Variants in SH3RF3 observed in about 807,000 individuals in gnomAD.
SH3RF3 encodes the protein E3 ubiquitin-protein ligase SH3RF3.
SH3RF3 carries 29 observed loss-of-function variants against 66.3 expected under a neutral mutation model. That is an observed-to-expected ratio of 0.44 (90% confidence interval 0.33 to 0.60). The LOEUF is 0.60. SH3RF3 is among the 20% of genes least tolerant of loss of function. The pLI is 0.04. For synonymous variants in SH3RF3, 583 were observed against 532.0 expected, an observed-to-expected ratio of 1.10 and a Z score of -1.32; for missense variants, 1,194 against 1,190.9, an observed-to-expected ratio of 1.00 and a Z score of -0.04.
chr2:109,353,146 C>T (rs1239213689), intron 2 of SH3RF3, among the ~76,000 whole-genome samples: 1 of 152,212 alleles, frequency 6.6e-6, no homozygotes, highest in African/African-American at 2.4e-5. Flanking sequence ...GTTGGTGCTG[C>T]CCACAAGGCC....
At chr2:109,330,599 T>A (rs1044518036) in intron 1 of SH3RF3, among the ~76,000 whole-genome samples, 9 of 152,012 alleles carry the variant, frequency 5.9e-5, no homozygotes, top group Non-Finnish European at 1.3e-4. Flanking sequence ...GATGGATGCA[T>A]GGTGGGTCAA....
chr2:109,412,271 C>G (rs1676611186), intron 4 of SH3RF3, among the ~76,000 whole-genome samples: 1 of 152,258 alleles, frequency 6.6e-6, no homozygotes, highest in Admixed American at 6.5e-5. Flanking sequence ...CATTGCCCCC[C>G]TTTCATTGGA....
intron 1 of SH3RF3, among the ~76,000 whole-genome samples, chr2:109,339,061 G>A (rs1682495570): frequency 6.6e-6 from 1 of 152,126 alleles, no homozygotes; most frequent in Non-Finnish European, 1.5e-5. Flanking sequence ...AAGTGGAAGT[G>A]GATCATCATA....
chr2:109,215,837 T>C (rs1679091976), intron 1 of SH3RF3, among the ~76,000 whole-genome samples: 1 of 152,196 alleles, frequency 6.6e-6, no homozygotes, highest in Non-Finnish European at 1.5e-5. Context: ...GTTCCTTTTC[T>C]TTCTTCTGAC....
chr2:109,287,261 C>T (rs899266606), intron 1 of SH3RF3, among the ~76,000 whole-genome samples: 2 of 152,160 alleles, frequency 1.3e-5, no homozygotes, highest in African/African-American at 2.4e-5. Flanking sequence ...CTTGGTCTCT[C>T]CTGTGTAGTG....
At chr2:109,217,421 G>A (rs761248072) in intron 1 of SH3RF3, among the ~76,000 whole-genome samples, 11 of 152,212 alleles carry the variant, frequency 7.2e-5, no homozygotes, top group Non-Finnish European at 1.5e-4. Context: ...ACCTTAGTCT[G>A]CTCACCAGAT....
intron 3 of SH3RF3, among the ~76,000 whole-genome samples, chr2:109,389,771 A>G (rs1245405360): frequency 6.6e-6 from 1 of 152,210 alleles, no homozygotes; most frequent in Non-Finnish European, 1.5e-5. Flanking sequence ...CATATGTATA[A>G]TGCGAGTGAT....
At chr2:109,362,204 A>G (rs889623983) in intron 2 of SH3RF3, among the ~76,000 whole-genome samples, 3 of 152,186 alleles carry the variant, frequency 2.0e-5, no homozygotes, top group African/African-American at 4.8e-5. Flanking sequence ...ATTCAGTGCT[A>G]TAAATTTCCC....
At chr2:109,177,684 G>T (rs541215372) in intron 1 of SH3RF3, among the ~76,000 whole-genome samples, 4 of 152,268 alleles carry the variant, frequency 2.6e-5, no homozygotes, top group East Asian at 3.9e-4. Flanking sequence ...TGCTTGTGTA[G>T]TAATCTAAAA....
chr2:109,344,853 G>C (rs1392304411), intron 1 of SH3RF3, among the ~76,000 whole-genome samples: 3 of 152,192 alleles, frequency 2.0e-5, no homozygotes, highest in African/African-American at 7.2e-5. Flanking sequence ...GGAGCTTGCA[G>C]ATGTCCAGCA....
At chr2:109,318,877 A>G (rs1446501046) in intron 1 of SH3RF3, among the ~76,000 whole-genome samples, 2 of 152,286 alleles carry the variant, frequency 1.3e-5, no homozygotes, top group Non-Finnish European at 2.9e-5. Flanking sequence ...AACCAAAGCC[A>G]GCTGGAATTC....
intron 2 of SH3RF3, among the ~76,000 whole-genome samples, chr2:109,369,083 G>A (rs888890098): frequency 6.6e-6 from 1 of 152,016 alleles, no homozygotes; most frequent in African/African-American, 2.4e-5. Flanking sequence ...GGTGGCTCAC[G>A]CCTATAATCC....
intron 1 of SH3RF3, among the ~76,000 whole-genome samples, chr2:109,343,680 A>T (rs994034193): frequency 3.3e-5 from 5 of 151,092 alleles, no homozygotes; most frequent in African/African-American, 1.2e-4. Flanking sequence ...CCACCTGTGG[A>T]GAGGTGGCCA....
At chr2:109,374,909 G>A (rs1683347720) in intron 3 of SH3RF3, among the ~76,000 whole-genome samples, 1 of 152,210 alleles carries the variant, frequency 6.6e-6, no homozygotes, top group South Asian at 2.1e-4. Context: ...AAGTAAACGA[G>A]AGTGTGCCCT....
intron 1 of SH3RF3, among the ~76,000 whole-genome samples, chr2:109,165,431 G>A (rs913947971): frequency 6.6e-6 from 1 of 152,148 alleles, no homozygotes; most frequent in African/African-American, 2.4e-5. Flanking sequence ...CACCACCCCT[G>A]CTAGAAGGAA....
At chr2:109,269,514 C>T (rs1043712179) in intron 1 of SH3RF3, among the ~76,000 whole-genome samples, 1 of 152,216 alleles carries the variant, frequency 6.6e-6, no homozygotes, top group African/African-American at 2.4e-5. Flanking sequence ...GGCGTGGTGG[C>T]TCATGCCTGT....
chr2:109,175,934 A>G (rs1203271603), intron 1 of SH3RF3, among the ~76,000 whole-genome samples: 2 of 152,150 alleles, frequency 1.3e-5, no homozygotes, highest in African/African-American at 4.8e-5. Context: ...TTTTATAGTA[A>G]TACTTTATTT....
chr2:109,244,140 T>C (rs1679854145), intron 1 of SH3RF3, among the ~76,000 whole-genome samples: 1 of 151,940 alleles, frequency 6.6e-6, no homozygotes, highest in Non-Finnish European at 1.5e-5. Flanking sequence ...GCAAATCCTC[T>C]GTAGCTATTT....
At chr2:109,291,652 A>G (rs1225711662) in intron 1 of SH3RF3, among the ~76,000 whole-genome samples, 1 of 152,142 alleles carries the variant, frequency 6.6e-6, no homozygotes, top group Non-Finnish European at 1.5e-5. Context: ...AAGACTGGAT[A>G]TTGTTCCAGT....
Sources: allele counts gnomAD v4.1 joint callset (sites outside exome capture counted in the v4.1 genomes callset), GRCh38; gene constraint gnomAD v4.1.1; transcripts MANE v1.5; gene names NCBI Gene and HGNC (gene_info 2026-07-23, HGNC 2026-07-21).